Variants in METTL22 observed in about 807,000 individuals in gnomAD.
METTL22 encodes methyltransferase 22, Kin17 lysine.
Under a neutral mutation model 48.4 loss-of-function variants are expected in METTL22, and 51 were observed. The observed-to-expected ratio is 1.05, with a 90% CI of 0.84 to 1.33. The LOEUF (loss-of-function observed/expected upper bound fraction) is 1.33. Ranked by LOEUF, METTL22 falls within the 40% of genes most tolerant of loss-of-function variation. The pLI, the probability that METTL22 is intolerant of heterozygous loss-of-function variation, is 0.00. For synonymous variants in METTL22, 255 were observed against 214.1 expected, an observed-to-expected ratio of 1.19 and a Z score of -1.67; for missense variants, 678 against 526.9, an observed-to-expected ratio of 1.29 and a Z score of -2.81.
Position 8,635,078 on chromosome 16 carries a change from A to G in METTL22, c.554A>G (p.Gln185Arg), listed in dbSNP as rs755580038. 6.2e-6 allele frequency: 10 copies of G among 1,613,954 alleles called. No homozygotes were observed. In the Admixed American group the frequency reaches 1.7e-4, roughly 27 times the overall value. ...ACGCCCCTGGAGGATGTTGGCAAGCAGGTGGGTAGGTCTTGTCCGCTTCCT... is the reference window on the plus strand; with the variant it reads ...ACGCCCCTGGAGGATGTTGGCAAGCGGGTGGGTAGGTCTTGTCCGCTTCCT... ...MATPLEDVGKQVWRGALLLAD... is the reference protein window; with the variant it reads ...MATPLEDVGKRVWRGALLLAD... The change falls in exon 4 of 11, where the codon CAG (glutamine) becomes CGG (arginine). Residue 185 changes from glutamine (Q) to arginine (R), a missense_variant and splice_region_variant. By Grantham distance (43) the Gln-to-Arg change is conservative. Coordinates refer to ENST00000381920, the MANE Select transcript of METTL22 (RefSeq NM_024109.4).
At chr16:8,662,811 T>C in the METTL22 span, among the ~76,000 whole-genome samples, 1 of 144,536 alleles carries the variant, frequency 6.9e-6, no homozygotes, top group East Asian at 2.0e-4. Context: ...AGAATCCTGG[T>C]CTGTAAAATG....
rs904058787 is a variant in METTL22, at chr16:8,629,240, T to G, written c.514+130T>G. On this transcript the variant is annotated intron_variant, in intron 3 of 10. Coordinates refer to ENST00000381920, the MANE Select transcript of METTL22 (RefSeq NM_024109.4). ...CACAGGTTATGAGAACCAGCTCGGGTGAGACTGGGGAAGCTCTCCACAACC... is the reference window on the plus strand; with the variant it reads ...CACAGGTTATGAGAACCAGCTCGGGGGAGACTGGGGAAGCTCTCCACAACC... 3 of 1,230,038 alleles carry G rather than the reference T, an allele frequency of 2.4e-6. No individual in the cohort carries two copies. The African/African-American group carries it at 4.5e-5, about 19-fold the overall frequency. The allele number at this position is 1,230,038 out of a possible 1,614,324, so 76.2% of individuals were successfully genotyped here.
intron 1 of METTL22, among the ~76,000 whole-genome samples, chr16:8,622,651 T>C (rs529366450): frequency 3.0e-4 from 45 of 152,360 alleles, no homozygotes; most frequent in African/African-American, 7.7e-4. Flanking sequence ...ACTATAATGA[T>C]AGTATTTACT....
the METTL22 span, among the ~76,000 whole-genome samples, chr16:8,658,401 C>T: frequency 2.0e-5 from 3 of 152,168 alleles, no homozygotes; most frequent in Non-Finnish European, 2.9e-5. Flanking sequence ...ATCCAGAACC[C>T]AAGGGATATA....
chr16:8,634,162 T>C (rs901069232), intron 3 of METTL22, among the ~76,000 whole-genome samples: 6 of 152,348 alleles, frequency 3.9e-5, no homozygotes, highest in Admixed American at 3.9e-4. Flanking sequence ...TAACTGCCCA[T>C]AGGGCTGAAA....
At chr16:8,664,589 G>A in the METTL22 span, among the ~76,000 whole-genome samples, 1 of 152,038 alleles carries the variant, frequency 6.6e-6, no homozygotes, top group South Asian at 2.1e-4. Context: ...GAGTAGCTAG[G>A]ACCTAGGCAC....
rs766791496 is a variant in METTL22 at position 8,629,091 on chromosome 16, G to C, written c.495G>C (p.Pro165=). The C allele has an allele frequency of 6.2e-7, 1 of 1,613,204 alleles. No homozygotes were observed. Among genetic ancestry groups the C allele is most frequent in the Non-Finnish European group, 8.5e-7 (1 of 1,179,944 alleles). Residue 165 remains proline (P), a synonymous_variant, in exon 3 of 11, where the codon CCG becomes CCC. Coordinates refer to ENST00000381920, the MANE Select transcript of METTL22 (RefSeq NM_024109.4). ...TGGGAGAGGAAGCACAAGGCAGCCC[G>C]CACGATATCATCAGAATAGGTAAAT... ...DVLGEEAQGS[P]HDIIRIEHTM...
the METTL22 span, among the ~76,000 whole-genome samples, chr16:8,654,742 C>A: frequency 6.6e-6 from 1 of 152,188 alleles, no homozygotes; most frequent in Non-Finnish European, 1.5e-5. Context: ...GGGCTTGGTG[C>A]TCCTCCAACT....
the METTL22 span, among the ~76,000 whole-genome samples, chr16:8,658,421 A>G: frequency 9.9e-5 from 15 of 152,200 alleles, no homozygotes; most frequent in African/African-American, 3.6e-4. Flanking sequence ...AGGCTCAGAA[A>G]TGTGCACCTC....
chr16:8,628,995 T>G lies in METTL22; in HGVS notation c.399T>G (p.Asp133Glu), dbSNP rs745743001. ...TGAGAAGACCACGAGCCGCCTCTGA[T>G]TCCAACCCAGCAGGGCCTCTGAGAG... Reference protein sequence around the residue: ...DVVRRPRAASDSNPAGPLRDK... With the variant: ...DVVRRPRAASESNPAGPLRDK... Residue 133 changes from aspartate to glutamate, a missense_variant, in exon 3 of 11, where the codon GAT (aspartate) becomes GAG (glutamate). Transcript: ENST00000381920. 6.2e-7 allele frequency: 1 copy of G among 1,614,128 alleles called. No homozygotes were observed. The highest frequency in any genetic ancestry group is 1.1e-5 in the South Asian group (1 of 91,078).
downstream of METTL22, among the ~76,000 whole-genome samples, chr16:8,652,543 G>T (rs1167179382): frequency 1.3e-5 from 2 of 150,954 alleles, no homozygotes; most frequent in Admixed American, 6.6e-5. Context: ...GTGTGGCCAG[G>T]TGCAGTGGCT....
chr16:8,659,124 A>G, the METTL22 span, among the ~76,000 whole-genome samples: 1 of 152,160 alleles, frequency 6.6e-6, no homozygotes, highest in African/African-American at 2.4e-5. Flanking sequence ...TGAGGTCAGG[A>G]GTTCGAGACC....
At chr16:8,652,354 G>A (rs201526274), downstream of METTL22, among the ~76,000 whole-genome samples, 1 of 150,294 alleles carries the variant, frequency 6.7e-6, no homozygotes, top group Non-Finnish European at 1.5e-5. Flanking sequence ...AGCTACTCAG[G>A]AGGCTGAGGC....
chr16:8,664,499 C>T, the METTL22 span, among the ~76,000 whole-genome samples: 5 of 151,958 alleles, frequency 3.3e-5, no homozygotes, highest in Admixed American at 1.3e-4. Context: ...TGCCACCCAG[C>T]CTGGAGTGCA....
downstream of METTL22, among the ~76,000 whole-genome samples, chr16:8,652,939 G>A (rs1730978): frequency 0.99 from 150,419 of 152,324 alleles, 74,302 homozygotes; most frequent in Middle Eastern, 1. Flanking sequence ...TGATGATGCT[G>A]TGTTTCCTGT....
rs759682159 is a variant in METTL22, at chr16:8,625,790, G to A, written c.125G>A (p.Gly42Glu). 2 of 1,614,118 alleles carry A rather than the reference G, an allele frequency of 1.2e-6. No individual in the cohort carries two copies. Among genetic ancestry groups the A allele is most frequent in the East Asian group, 2.2e-5 (1 of 44,892 alleles). ...RHLMVRLNSV[G>E]QPVFLSQFKL... The stretch of plus-strand genomic sequence containing the variant: ...CTCATGGTACGGCTGAACAGCGTGG[G>A]GCAGCCAGGTAAGGTCCTGGGCCCA... The change falls in exon 2 of 11, where the codon GGG becomes GAG. Residue 42 changes from glycine (G) to glutamate (E), a missense_variant. Physicochemically the swap from Gly to Glu is moderately conservative, Grantham distance 98. Coordinates refer to ENST00000381920, the MANE Select transcript of METTL22 (RefSeq NM_024109.4).
chr16:8,635,670 T>A (rs572871037), intron 5 of METTL22, among the ~76,000 whole-genome samples: 1 of 152,366 alleles, frequency 6.6e-6, no homozygotes, highest in South Asian at 2.1e-4. Context: ...ATTATTTTTT[T>A]CCTGGGTATA....
At chr16:8,634,038 A>G (rs2056348944) in intron 3 of METTL22, among the ~76,000 whole-genome samples, 1 of 152,264 alleles carries the variant, frequency 6.6e-6, no homozygotes, top group African/African-American at 2.4e-5. Context: ...TAGCAATCTG[A>G]AGCCCTTCTG....
chr16:8,635,327 T>C lies in METTL22; in HGVS notation c.700+15T>C. On this transcript the variant is annotated intron_variant, in intron 5 of 10. Transcript: ENST00000381920. Reference sequence around the variant, plus strand: ...TTATTGTACAGGTAATGAGGTGACATCTCAGGCTGCAGGGAAGTAGTCACC... The same window carrying C: ...TTATTGTACAGGTAATGAGGTGACACCTCAGGCTGCAGGGAAGTAGTCACC... 2 of 1,527,994 alleles carry C rather than the reference T, an allele frequency of 1.3e-6. No homozygotes were observed. The highest frequency in any genetic ancestry group is 1.8e-6 in the Non-Finnish European group (2 of 1,139,544). The allele number at this position is 1,527,994 out of a possible 1,614,324, so 94.7% of individuals were successfully genotyped here.
Sources: gnomAD v4.1 joint callset for allele counts (sites outside exome capture counted in the v4.1 genomes callset) on GRCh38, gnomAD v4.1.1 for gene constraint, MANE v1.5 for transcripts, NCBI Gene and HGNC (gene_info 2026-07-23, HGNC 2026-07-21) for gene names.